The following PEMT variants were observed in gnomAD, a reference collection of about 807,000 sequenced individuals.
PEMT encodes phospholipid methyltransferase.
Under a neutral mutation model 27.4 loss-of-function variants are expected in PEMT, and 23 were observed. The ratio of observed to expected loss-of-function variants is 0.84; its 90% confidence interval spans 0.60 to 1.19. PEMT has a LOEUF of 1.19. Ranked by LOEUF, PEMT falls within the 50% of genes most tolerant of loss-of-function variation. The pLI is 0.00. For missense variants in PEMT, 307 were observed against 310.1 expected, an observed-to-expected ratio of 0.99 and a Z score of 0.07; for synonymous variants, 137 against 139.1, an observed-to-expected ratio of 0.98 and a Z score of 0.11.
At chr17:17,591,767 G>A (rs1453618289), upstream of PEMT, 3 of 1,436,678 alleles carry the variant, frequency 2.1e-6, no homozygotes, top group Middle Eastern at 5.0e-4. Context: ...TCTGGGAAAT[G>A]TAGTTCCCCG....
intron 1 of PEMT, chr17:17,577,381 G>A: frequency 4.9e-6 from 4 of 819,960 alleles, no homozygotes; most frequent in Non-Finnish European, 6.3e-6. Context: ...AACCCAAGCA[G>A]CTGAGATAAA....
At chr17:17,581,809 C>T (rs917512141) in intron 1 of PEMT, among the ~76,000 whole-genome samples, 5 of 152,124 alleles carry the variant, frequency 3.3e-5, no homozygotes, top group African/African-American at 7.2e-5. Flanking sequence ...TTATGTTGCC[C>T]GGAGAAGCAC....
Position 17,513,105 on chromosome 17 carries a change from C to T in PEMT, c.321-451G>A, listed in dbSNP as rs1307397183. On this transcript the variant is annotated intron_variant, in intron 3 of 6. Transcript: ENST00000255389. This position sits in a 1 kb window ranked among gnomAD's most constrained non-coding sequence, Gnocchi z 4.1. ...CAGGGCAGGCCCAGGTGTCCCATTC[C>T]CCAACAGACTCAGTGCCCCGAGGCC... Among the ~76,000 whole-genome samples, 1 of 152,184 alleles carries T rather than the reference C, an allele frequency of 6.6e-6. No individual in the cohort carries two copies. Among genetic ancestry groups the T allele is most frequent in the Non-Finnish European group, 1.5e-5 (1 of 68,040 alleles).
Position 17,561,884 on chromosome 17 carries a change from T to C in PEMT, c.204+15036A>G, listed in dbSNP as rs1567727410. Among the ~76,000 whole-genome samples, 4 of 152,184 alleles carry C rather than the reference T, an allele frequency of 2.6e-5. No individual in the cohort carries two copies. The highest frequency in any genetic ancestry group is 2.0e-4 in the Admixed American group (3 of 15,274). On this transcript the variant is annotated intron_variant, in intron 2 of 6. Transcript: ENST00000255389. This position sits in a 1 kb window ranked among gnomAD's most constrained non-coding sequence, Gnocchi z 4.5. The stretch of plus-strand genomic sequence containing the variant: ...ACCCACAGGAAGTCCAGTCATAATA[T>C]TGACACAGGCAGGGCACACAGCAGC...
intron 2 of PEMT, among the ~76,000 whole-genome samples, chr17:17,535,488 C>T (rs1597901411): frequency 6.6e-6 from 1 of 151,688 alleles, no homozygotes; most frequent in Non-Finnish European, 1.5e-5. Context: ...ATGGCTTGAA[C>T]CCAGGAGACG....
At chr17:17,522,889 C>G (rs559152042) in intron 2 of PEMT, among the ~76,000 whole-genome samples, 1 of 152,158 alleles carries the variant, frequency 6.6e-6, no homozygotes, top group Non-Finnish European at 1.5e-5. Flanking sequence ...CCATCACAGG[C>G]GCAAAGCAAA....
chr17:17,540,453 A>G (rs1308358042), intron 2 of PEMT, among the ~76,000 whole-genome samples: 1 of 152,210 alleles, frequency 6.6e-6, no homozygotes, highest in East Asian at 1.9e-4. Flanking sequence ...CCAGGGGGTC[A>G]GGGGAACTGA....
intron 2 of PEMT, among the ~76,000 whole-genome samples, chr17:17,566,314 G>A (rs1241394861): frequency 6.6e-6 from 1 of 152,194 alleles, no homozygotes; most frequent in Non-Finnish European, 1.5e-5. Flanking sequence ...TAGAGTTGGG[G>A]GTGAGTGTGC....
intron 2 of PEMT, among the ~76,000 whole-genome samples, chr17:17,547,369 A>C (rs1909332039): frequency 6.6e-6 from 1 of 152,350 alleles, no homozygotes; most frequent in East Asian, 1.9e-4. Flanking sequence ...GCCTCTGCCC[A>C]AGGGGGCCTC....
intron 1 of PEMT, among the ~76,000 whole-genome samples, chr17:17,577,784 G>A (rs549867434): frequency 9.9e-5 from 15 of 152,106 alleles, no homozygotes; most frequent in African/African-American, 3.4e-4. Flanking sequence ...TTGGGAGGCC[G>A]AGGCGGGCGG....
chr17:17,531,170 G>A (rs958994572), intron 2 of PEMT, among the ~76,000 whole-genome samples: 1 of 152,012 alleles, frequency 6.6e-6, no homozygotes, highest in African/African-American at 2.4e-5. Flanking sequence ...TTAAAAGGCC[G>A]ATTCCAGTCT....
At chr17:17,555,167 G>A (rs1909961376) in intron 2 of PEMT, among the ~76,000 whole-genome samples, 1 of 152,152 alleles carries the variant, frequency 6.6e-6, no homozygotes, top group South Asian at 2.1e-4. Flanking sequence ...CCCAGAGTGA[G>A]GACATGGCTT....
chr17:17,511,711 C>G (rs1401014091), intron 4 of PEMT, among the ~76,000 whole-genome samples: 3 of 152,216 alleles, frequency 2.0e-5, no homozygotes, highest in Non-Finnish European at 4.4e-5. Flanking sequence ...TGGACCAACT[C>G]CCTGCTCACT....
intron 2 of PEMT, among the ~76,000 whole-genome samples, chr17:17,563,266 C>T (rs1459285151): frequency 6.6e-6 from 1 of 152,174 alleles, no homozygotes; most frequent in East Asian, 1.9e-4. Context: ...GGCTTCCTGA[C>T]CTCAGGTACA....
At chr17:17,580,644 C>CA (rs1025630622) in intron 1 of PEMT, among the ~76,000 whole-genome samples, 2 of 152,194 alleles carry the variant, frequency 1.3e-5, no homozygotes, top group Non-Finnish European at 2.9e-5. Flanking sequence ...ATGTGCACAG[C>CA]AGACCCTATG....
chr17:17,589,476 T>C (rs1912489075), intron 1 of PEMT, among the ~76,000 whole-genome samples: 1 of 152,140 alleles, frequency 6.6e-6, no homozygotes, highest in African/African-American at 2.4e-5. Flanking sequence ...ATAAAATATA[T>C]TGTCAAAATT....
chr17:17,515,072 G>A (rs1244990331), intron 3 of PEMT, among the ~76,000 whole-genome samples: 2 of 152,170 alleles, frequency 1.3e-5, no homozygotes, highest in Admixed American at 6.5e-5. Context: ...TGCAATAGGG[G>A]GTGGGCGCAG....
chr17:17,552,990 C>T (rs1041436404), intron 2 of PEMT, among the ~76,000 whole-genome samples: 35 of 152,230 alleles, frequency 2.3e-4, no homozygotes, highest in African/African-American at 7.0e-4. Flanking sequence ...AGAGTCCCAA[C>T]CCCTCACTGG....
intron 3 of PEMT, among the ~76,000 whole-genome samples, chr17:17,519,667 G>A (rs1907120228): frequency 6.6e-6 from 1 of 152,222 alleles, no homozygotes; most frequent in Non-Finnish European, 1.5e-5. Flanking sequence ...GCCTTGAAAA[G>A]GGGTGGATGA....
Sources: gnomAD v4.1 joint callset for allele counts (sites outside exome capture counted in the v4.1 genomes callset) on GRCh38, gnomAD v4.1.1 for gene constraint, Gnocchi (gnomAD v3.1) non-coding constraint, MANE v1.5 for transcripts, NCBI Gene and HGNC (gene_info 2026-07-23, HGNC 2026-07-21) for gene names.